The following WDR70 variants were observed in gnomAD, a reference collection of about 807,000 sequenced individuals.
WDR70 encodes WD repeat domain 70, also known as WD repeat-containing protein 70.
A neutral mutation model predicts 88.6 loss-of-function variants in WDR70; 53 were observed. The observed-to-expected ratio is 0.60, with a 90% CI of 0.48 to 0.75. The LOEUF (loss-of-function observed/expected upper bound fraction) is 0.75. Ranked by LOEUF, WDR70 falls within the 30% of genes least tolerant of loss-of-function variation. The pLI, the probability that WDR70 is intolerant of heterozygous loss-of-function variation, is 0.00. For synonymous variants in WDR70, 280 were observed against 270.0 expected (o/e 1.04, Z -0.36); for missense variants, 610 against 823.2 (o/e 0.74, Z 3.17).
intron 7 of WDR70, among the ~76,000 whole-genome samples, chr5:37,462,504 G>A (rs1419278500): frequency 1.3e-5 from 2 of 152,042 alleles, no homozygotes; most frequent in African/African-American, 4.8e-5. Flanking sequence ...GGGTTTCACC[G>A]TGTTAGTTAG....
At position 37,638,444 on chromosome 5, in the gene WDR70, C is replaced by T. The variant is rs375632334; in HGVS notation, c.1092+33206C>T. 1.8e-4 allele frequency among the ~76,000 whole-genome samples: 27 copies of T among 152,278 alleles called. 1 individual carries two copies. The East Asian group carries it at 3.3e-3, about 18-fold the overall frequency. On this transcript the variant is annotated intron_variant, in intron 10 of 17. Coordinates refer to ENST00000265107, the MANE Select transcript of WDR70 (RefSeq NM_018034.4). ...TGGGGGTAATAGCAGTACCTACCTC[C>T]GGACTTGTCAGGAGGACCAAATGCA...
In WDR70 at chr5:37,631,214, G is replaced by C. The variant is rs79147808; in HGVS notation, c.1092+25976G>C. On this transcript the variant is annotated intron_variant, in intron 10 of 17. Coordinates refer to ENST00000265107, the MANE Select transcript of WDR70 (RefSeq NM_018034.4). ...ATCTTAGTTGTTTATTTGTAGCCTT[G>C]GTCCTTTTTAGTCTGGGGGGACAAA... Among the ~76,000 whole-genome samples, 37 of 152,150 alleles carry C rather than the reference G, an allele frequency of 2.4e-4. No individual in the cohort carries two copies. In the East Asian group the frequency reaches 7.2e-3, roughly 29 times the overall value.
At chr5:37,514,806 A>C (rs1740837422) in intron 8 of WDR70, among the ~76,000 whole-genome samples, 1 of 152,086 alleles carries the variant, frequency 6.6e-6, no homozygotes, top group African/African-American at 2.4e-5. Context: ...ACTTGATCCC[A>C]GGAGTTCAAA....
chr5:37,531,784 A>G (rs994588647), intron 9 of WDR70, among the ~76,000 whole-genome samples: 2 of 151,286 alleles, frequency 1.3e-5, no homozygotes, highest in African/African-American at 4.9e-5. Flanking sequence ...GTGAGGTACT[A>G]TTCTATTCAT....
Position 37,721,099 on chromosome 5 carries a change from C to G in WDR70, c.1417-16C>G. Reference sequence around the variant, plus strand: ...ATCTGGCCTCTTTAGTCAACCACTGCGCTTTTCCTTTGCAGAGTGTTGTTC... The same window carrying G: ...ATCTGGCCTCTTTAGTCAACCACTGGGCTTTTCCTTTGCAGAGTGTTGTTC... On this transcript the variant is annotated splice_polypyrimidine_tract_variant and intron_variant, in intron 13 of 17. Transcript: ENST00000265107. The G allele has an allele frequency of 6.2e-7, 1 of 1,612,542 alleles. No homozygotes were observed. Among genetic ancestry groups the G allele is most frequent in the Non-Finnish European group, 8.5e-7 (1 of 1,178,816 alleles).
At chr5:37,562,179 G>A (rs1742525781) in intron 9 of WDR70, among the ~76,000 whole-genome samples, 1 of 152,170 alleles carries the variant, frequency 6.6e-6, no homozygotes, top group Non-Finnish European at 1.5e-5. Flanking sequence ...TCAACATGGT[G>A]AAACCCCGTC....
chr5:37,592,920 C>A (rs953288898), intron 9 of WDR70, among the ~76,000 whole-genome samples: 2 of 152,122 alleles, frequency 1.3e-5, no homozygotes, highest in Non-Finnish European at 2.9e-5. Flanking sequence ...TTTGGCAGAC[C>A]AAGGCAGGAG....
intron 6 of WDR70, among the ~76,000 whole-genome samples, chr5:37,441,155 A>ATC: frequency 6.6e-6 from 1 of 152,206 alleles, no homozygotes; most frequent in Non-Finnish European, 1.5e-5. Context: ...AGGAGGGAAG[A>ATC]AGGATAGCAT....
intron 10 of WDR70, among the ~76,000 whole-genome samples, chr5:37,664,662 TA>T (rs1186116066): frequency 6.6e-6 from 1 of 152,224 alleles, no homozygotes; most frequent in Non-Finnish European, 1.5e-5. Flanking sequence ...CAATTTATTG[TA>T]GATATTTGTT....
chr5:37,506,951 C>G (rs1740578261), intron 8 of WDR70: 1 of 728,224 alleles, frequency 1.4e-6, no homozygotes, highest in East Asian at 2.5e-5. Context: ...CTTCCCTCCA[C>G]CCACTTGGAT....
chr5:37,723,953 T>C (rs1747897437), intron 15 of WDR70: 1 of 152,138 alleles, frequency 6.6e-6, no homozygotes, highest in African/African-American at 2.4e-5. Flanking sequence ...AGTGATATGG[T>C]CTGGCCTCAG....
At chr5:37,456,733 T>C (rs1012868340) in intron 7 of WDR70, among the ~76,000 whole-genome samples, 2 of 152,074 alleles carry the variant, frequency 1.3e-5, no homozygotes, top group Non-Finnish European at 2.9e-5. Context: ...ATTTTACACT[T>C]CAGAAAACAA....
chr5:37,702,888 A>G lies in WDR70; in HGVS notation c.1278-61A>G, dbSNP rs1314452361. On this transcript the variant is annotated intron_variant, in intron 12 of 17. Coordinates refer to ENST00000265107, the MANE Select transcript of WDR70 (RefSeq NM_018034.4). ...TGTTTATATTTTATTTAATTCACTA[A>G]TGATTGCTGGACTGTTGTGGAGGTC... 13 of 1,504,546 alleles carry G rather than the reference A, an allele frequency of 8.6e-6. No homozygotes were observed. In the East Asian group the frequency reaches 2.3e-4, roughly 27 times the overall value. The allele number at this position is 1,504,546 out of a possible 1,614,324, so 93.2% of individuals were successfully genotyped here.
At chr5:37,411,458 G>T (rs1165519388) in intron 5 of WDR70, among the ~76,000 whole-genome samples, 1 of 152,046 alleles carries the variant, frequency 6.6e-6, no homozygotes, top group Non-Finnish European at 1.5e-5. Context: ...AGATGCAGTG[G>T]CTCACACCTG....
intron 10 of WDR70, among the ~76,000 whole-genome samples, chr5:37,642,901 A>G (rs916901180): frequency 3.9e-5 from 6 of 152,118 alleles, no homozygotes; most frequent in African/African-American, 1.4e-4. Context: ...CCCTTGTCAG[A>G]TGGGTAGTTT....
intron 9 of WDR70, among the ~76,000 whole-genome samples, chr5:37,585,157 A>AT (rs1424238553): frequency 7.3e-5 from 11 of 151,424 alleles, no homozygotes; most frequent in African/African-American, 2.2e-4. Flanking sequence ...CGCCTGGCTA[A>AT]TTTTTTGCAT....
chr5:37,602,625 C>CA lies in WDR70; in HGVS notation c.918-2430dup, dbSNP rs1465441380. Among the ~76,000 whole-genome samples, 1,213 of 126,380 alleles carry CA rather than the reference C, an allele frequency of 9.6e-3. 17 individuals carry two copies. Among genetic ancestry groups the CA allele is most frequent in the African/African-American group, 0.033 (1,126 of 33,678 alleles). 82.9% of individuals were successfully genotyped at this position (126,380 alleles called of 152,430 possible). On this transcript the variant is annotated intron_variant, in intron 9 of 17. Coordinates refer to ENST00000265107, the MANE Select transcript of WDR70 (RefSeq NM_018034.4). ...TGGGTGAGAGAGTGAGACTCTGTCTCAAAAAAAAAGAAAAAAAAAAGGAAA... is the reference window on the plus strand; with the variant it reads ...TGGGTGAGAGAGTGAGACTCTGTCTCAAAAAAAAAAGAAAAAAAAAAGGAAA...
intron 13 of WDR70, among the ~76,000 whole-genome samples, chr5:37,710,443 G>T (rs550982533): frequency 7.8e-4 from 118 of 152,184 alleles, no homozygotes; most frequent in African/African-American, 2.7e-3. Flanking sequence ...TTTCAAGAAT[G>T]TCATATAAAT....
At chr5:37,645,434 G>A (rs1745206879) in intron 10 of WDR70, among the ~76,000 whole-genome samples, 1 of 151,988 alleles carries the variant, frequency 6.6e-6, no homozygotes, top group Non-Finnish European at 1.5e-5. Context: ...CTAACAAAAA[G>A]CATATCTGTT....
Sources: allele counts gnomAD v4.1 joint callset (sites outside exome capture counted in the v4.1 genomes callset), GRCh38; gene constraint gnomAD v4.1.1; transcripts MANE v1.5; gene names NCBI Gene and HGNC (gene_info 2026-07-23, HGNC 2026-07-21).